Variants in FAM120C observed in about 807,000 individuals in gnomAD.
FAM120C encodes constitutive coactivator of PPAR-gamma-like protein 2.
In FAM120C, 14 loss-of-function variants were observed where a neutral mutation model predicts 71.2. The observed-to-expected ratio is 0.20, with a 90% CI of 0.13 to 0.31. The LOEUF (loss-of-function observed/expected upper bound fraction) is 0.31, where lower values mean the gene tolerates loss of function less well. Among genes scored for constraint, FAM120C ranks in the 10% least tolerant of loss-of-function variants. The probability of loss-of-function intolerance (pLI) is 1.00; values close to 1 mark genes in which losing one functional copy is unlikely to be tolerated. For synonymous variants in FAM120C, 354 were observed against 353.2 expected (o/e 1.00, Z -0.03); for missense variants, 500 against 879.0 (o/e 0.57, Z 5.45).
intron 2 of FAM120C, among the ~76,000 whole-genome samples, chrX:54,158,718 G>A (rs1017589176): frequency 9.9e-5 from 11 of 111,225 alleles, no homozygotes; most frequent in African/African-American, 3.6e-4. Flanking sequence ...GCAGTGAGTC[G>A]AGATCGTGCC....
chrX:54,144,203 A>G (rs1349400451), intron 4 of FAM120C, among the ~76,000 whole-genome samples: 1 of 111,584 alleles, frequency 9.0e-6, no homozygotes, highest in East Asian at 2.8e-4. Context: ...CCCACAGCCA[A>G]TATCATACTG....
chrX:54,075,409 A>G (rs2066729799), intron 15 of FAM120C, among the ~76,000 whole-genome samples: 1 of 112,059 alleles, frequency 8.9e-6, no homozygotes, highest in Admixed American at 9.6e-5. Context: ...CCTGGAAATA[A>G]CATGAAACAA....
At chrX:54,159,760 AC>A in intron 1 of FAM120C, 144 bp from the exon 2 acceptor site, 20 of 475,372 alleles carry the variant, frequency 4.2e-5, no homozygotes, top group South Asian at 6.4e-5. Context: ...AACATTTTTT[AC>A]TTTTTTTTTT....
chrX:54,147,145 A>G (rs782301984), intron 4 of FAM120C, among the ~76,000 whole-genome samples: 5 of 110,580 alleles, frequency 4.5e-5, no homozygotes, highest in South Asian at 7.7e-4. Context: ...GTGAAACCCC[A>G]TCTCTACTAA....
chrX:54,133,084 GCTCATGC>G (rs1557129707), intron 8 of FAM120C, among the ~76,000 whole-genome samples: 14 of 112,296 alleles, frequency 1.2e-4, no homozygotes, highest in Non-Finnish European at 2.3e-4. Context: ...GGGCATGGTG[GCTCATGC>G]CTGTAATCCC....
intron 1 of FAM120C, among the ~76,000 whole-genome samples, chrX:54,170,281 C>T (rs1482354610): frequency 2.7e-5 from 3 of 110,625 alleles, no homozygotes; most frequent in Non-Finnish European, 3.8e-5. Context: ...GGATTACAGG[C>T]GCCCACCACC....
At chrX:54,178,875 T>A (rs2067332655) in intron 1 of FAM120C, among the ~76,000 whole-genome samples, 1 of 112,074 alleles carries the variant, frequency 8.9e-6, no homozygotes, top group Non-Finnish European at 1.9e-5. Context: ...ACTTAATAGC[T>A]TTCTTTAAAT....
At chrX:54,081,159 G>T (rs1438914333) in intron 14 of FAM120C, among the ~76,000 whole-genome samples, 163 bp downstream of exon 14, 1 of 109,112 alleles carries the variant, frequency 9.2e-6, no homozygotes, top group African/African-American at 3.3e-5. Context: ...GGGCAACAAA[G>T]TGAGACCCCA....
chrX:54,114,039 TACACACAC>T (rs201960191), intron 10 of FAM120C, among the ~76,000 whole-genome samples: 20 of 98,775 alleles, frequency 2.0e-4, no homozygotes, highest in Non-Finnish European at 3.3e-4. Context: ...GAAAGTGTGA[TACACACAC>T]ACACACACAC....
rs2066960786 is a variant in FAM120C at position 54,115,041 on chromosome X, G to A, written c.2312+1504C>T. 2.7e-5 allele frequency among the ~76,000 whole-genome samples: 3 copies of A among 111,899 alleles called. No homozygotes were observed. The Admixed American group carries it at 2.9e-4, about 11-fold the overall frequency. On this transcript the variant is annotated intron_variant, in intron 10 of 15. Coordinates refer to ENST00000375180, the MANE Select transcript of FAM120C (RefSeq NM_017848.6). ...CCCAAAGTGCTAGGATTACAGGCAT[G>A]AGCCACCACGCCCAGCCAAGTTAAA...
rs1178037084 is a variant in FAM120C, at chrX:54,072,115, C to A, written c.*918G>T. ...GCATATACACACATTCATATATACACCCACCCACACAACATCCACCCACAC... is the reference window on the plus strand; with the variant it reads ...GCATATACACACATTCATATATACAACCACCCACACAACATCCACCCACAC... On this transcript the variant is annotated 3_prime_UTR_variant, in exon 16 of 16. Coordinates refer to ENST00000375180, the MANE Select transcript of FAM120C (RefSeq NM_017848.6). The A allele has an allele frequency of 9.6e-6, 1 of 103,941 alleles. No individual in the cohort carries two copies. The highest frequency in any genetic ancestry group is 2.0e-5 in the Non-Finnish European group (1 of 50,911). The allele number at this position is 103,941 out of a possible 1,213,427, so 8.6% of individuals were successfully genotyped here.
chrX:54,166,582 T>C (rs190417504), intron 1 of FAM120C, among the ~76,000 whole-genome samples: 4 of 111,816 alleles, frequency 3.6e-5, no homozygotes, highest in African/African-American at 9.7e-5. Flanking sequence ...TGTAAAACCA[T>C]AAAAAGTAAT....
chrX:54,135,211 G>T lies in FAM120C; in HGVS notation c.1336-100C>A, dbSNP rs6521584. On this transcript the variant is annotated intron_variant, in intron 6 of 15. Transcript: ENST00000375180. ...CACAGTGGATGATGCCAGCAGTGGA[G>T]ATTGTTGAGATACAAAGCACCTAAT... 917 of 798,066 alleles carry T rather than the reference G, an allele frequency of 1.1e-3. 5 individuals carry two copies. In the African/African-American group the frequency reaches 0.017, roughly 15 times the overall value. 65.8% of individuals were successfully genotyped at this position (798,066 alleles called of 1,213,427 possible).
intron 1 of FAM120C, among the ~76,000 whole-genome samples, chrX:54,180,737 C>T (rs1426441760): frequency 1.6e-4 from 18 of 111,706 alleles, no homozygotes; most frequent in African/African-American, 4.9e-4. Flanking sequence ...TTTCTAAGCC[C>T]GTGCCTCAGT....
intron 13 of FAM120C, among the ~76,000 whole-genome samples, chrX:54,082,491 C>T (rs1373328335): frequency 9.1e-6 from 1 of 110,477 alleles, no homozygotes; most frequent in Non-Finnish European, 1.9e-5. Flanking sequence ...TCACTGCAAC[C>T]TCCACTTCCC....
intron 10 of FAM120C, among the ~76,000 whole-genome samples, chrX:54,114,377 AACAAAAGGAC>A (rs2066955713): frequency 8.9e-6 from 1 of 111,738 alleles, no homozygotes; most frequent in Non-Finnish European, 1.9e-5. Flanking sequence ...ATATCCATGC[AACAAAAGGAC>A]ACCTGTACCC....
At chrX:54,160,076 T>C (rs782058392) in intron 1 of FAM120C, among the ~76,000 whole-genome samples, 1 of 111,508 alleles carries the variant, frequency 9.0e-6, no homozygotes, top group Non-Finnish European at 1.9e-5. Context: ...ACGAGGTATA[T>C]ATTACTTTTT....
intron 1 of FAM120C, among the ~76,000 whole-genome samples, chrX:54,176,354 AC>A (rs1397545897): frequency 9.5e-6 from 1 of 105,331 alleles, no homozygotes; most frequent in Non-Finnish European, 1.9e-5. Flanking sequence ...AATTGCTTGA[AC>A]CCAGGAGGTG....
chrX:54,113,094 A>C (rs1557126004), intron 10 of FAM120C, among the ~76,000 whole-genome samples: 1 of 111,142 alleles, frequency 9.0e-6, no homozygotes, highest in East Asian at 2.8e-4. Flanking sequence ...AAAGACCTGA[A>C]CTATAAAAAT....
Sources: gnomAD v4.1 joint callset for allele counts (sites outside exome capture counted in the v4.1 genomes callset) on GRCh38, gnomAD v4.1.1 for gene constraint, MANE v1.5 for transcripts, NCBI Gene and HGNC (gene_info 2026-07-23, HGNC 2026-07-21) for gene names.